EXOC6B: variants seen among roughly 807,000 people sequenced by gnomAD.
EXOC6B encodes the protein exocyst complex component 6B.
In EXOC6B, 54 loss-of-function variants were observed where a neutral mutation model predicts 113.5. That is an observed-to-expected ratio of 0.48 (90% CI 0.38 to 0.60). The LOEUF (loss-of-function observed/expected upper bound fraction) is 0.60, where lower values mean the gene tolerates loss of function less well. Among genes scored for constraint, EXOC6B ranks in the 20% least tolerant of loss-of-function variants. The pLI is 0.00. For missense variants in EXOC6B, 797 were observed against 977.5 expected, an observed-to-expected ratio of 0.82 and a Z score of 2.46; for synonymous variants, 357 against 339.0, an observed-to-expected ratio of 1.05 and a Z score of -0.58.
chr2:72,814,946 G>T (rs1387667609), intron 1 of EXOC6B, among the ~76,000 whole-genome samples: 4 of 152,182 alleles, frequency 2.6e-5, no homozygotes, highest in Admixed American at 1.3e-4. Flanking sequence ...AACCGAGATC[G>T]TGCCACTGCA....
At chr2:72,341,756 T>C (rs1378244471) in intron 19 of EXOC6B, among the ~76,000 whole-genome samples, 1 of 152,030 alleles carries the variant, frequency 6.6e-6, no homozygotes, top group Non-Finnish European at 1.5e-5. Context: ...CTACCAAATA[T>C]ATAAGAACAT....
chr2:72,193,866 G>T (rs1679001389), intron 20 of EXOC6B, among the ~76,000 whole-genome samples: 1 of 152,136 alleles, frequency 6.6e-6, no homozygotes, highest in Admixed American at 6.5e-5. Flanking sequence ...CTTTTTTCTA[G>T]ATCAGAAGAT....
At chr2:72,609,522 T>TAA (rs35677129) in intron 6 of EXOC6B, among the ~76,000 whole-genome samples, 1 of 138,826 alleles carries the variant, frequency 7.2e-6, no homozygotes, top group African/African-American at 2.6e-5. Flanking sequence ...TAAAAATAAT[T>TAA]AAAAAAAAAA....
chr2:72,362,619 T>A (rs1690386209), intron 19 of EXOC6B, among the ~76,000 whole-genome samples: 1 of 152,166 alleles, frequency 6.6e-6, no homozygotes, highest in African/African-American at 2.4e-5. Context: ...ATGAATTGAT[T>A]CATTCACCCT....
At chr2:72,432,607 T>C (rs181286966) in intron 18 of EXOC6B, among the ~76,000 whole-genome samples, 1 of 152,196 alleles carries the variant, frequency 6.6e-6, no homozygotes, top group South Asian at 2.1e-4. Context: ...GACTTCTTAA[T>C]GATCCCCATT....
At chr2:72,271,095 G>A (rs1268376374) in intron 20 of EXOC6B, among the ~76,000 whole-genome samples, 1 of 152,116 alleles carries the variant, frequency 6.6e-6, no homozygotes, top group African/African-American at 2.4e-5. Flanking sequence ...TAGCAGCCAG[G>A]TACTTTGACA....
At chr2:72,522,775 T>C (rs1029547125) in intron 8 of EXOC6B, among the ~76,000 whole-genome samples, 4 of 152,202 alleles carry the variant, frequency 2.6e-5, no homozygotes, top group African/African-American at 9.6e-5. Flanking sequence ...TCTAAATAGA[T>C]AGCTATTTCA....
chr2:72,462,420 C>A (rs908772078), intron 18 of EXOC6B: 1 of 151,752 alleles, frequency 6.6e-6, no homozygotes, highest in African/African-American at 2.4e-5. Flanking sequence ...TTGAGCCTTG[C>A]CAAAATTCAT....
intron 6 of EXOC6B, among the ~76,000 whole-genome samples, chr2:72,608,165 T>C (rs999242726): frequency 6.6e-6 from 1 of 152,042 alleles, no homozygotes; most frequent in East Asian, 1.9e-4. Flanking sequence ...TTTATGCATA[T>C]GAGAATGGAG....
At chr2:72,733,009 A>T (rs1240706568) in intron 3 of EXOC6B, 62 bp downstream of exon 3, 2 of 1,104,234 alleles carry the variant, frequency 1.8e-6, no homozygotes, top group African/African-American at 1.5e-5. Flanking sequence ...TGAATAACAT[A>T]GTCATTAAAA....
intron 20 of EXOC6B, among the ~76,000 whole-genome samples, chr2:72,301,454 T>C (rs574353632): frequency 6.0e-4 from 91 of 152,312 alleles, no homozygotes; most frequent in Admixed American, 1.6e-3. Flanking sequence ...CTGGTAGAAT[T>C]TGGCTGTGAA....
At chr2:72,478,133 A>C (rs916524260) in intron 17 of EXOC6B, among the ~76,000 whole-genome samples, 1 of 152,180 alleles carries the variant, frequency 6.6e-6, no homozygotes, top group African/African-American at 2.4e-5. Context: ...TCCAGGGACA[A>C]AGTACTTTTT....
intron 1 of EXOC6B, among the ~76,000 whole-genome samples, chr2:72,818,486 G>A (rs566865951): frequency 1.3e-4 from 19 of 151,934 alleles, no homozygotes; most frequent in African/African-American, 4.3e-4. Context: ...GTAGAGACAC[G>A]GTTTCACCAT....
intron 6 of EXOC6B, among the ~76,000 whole-genome samples, chr2:72,614,740 G>A (rs1180467513): frequency 6.6e-6 from 1 of 152,110 alleles, no homozygotes; most frequent in Non-Finnish European, 1.5e-5. Context: ...AACTACTGCA[G>A]AACTACAAGG....
At chr2:72,795,725 T>C (rs937546494) in intron 1 of EXOC6B, among the ~76,000 whole-genome samples, 3 of 152,074 alleles carry the variant, frequency 2.0e-5, no homozygotes, top group Non-Finnish European at 4.4e-5. Flanking sequence ...CAAAGGAAAA[T>C]CAAGGTTACA....
chr2:72,481,513 A>G (rs1699091821), intron 16 of EXOC6B, among the ~76,000 whole-genome samples: 1 of 152,224 alleles, frequency 6.6e-6, no homozygotes, highest in African/African-American at 2.4e-5. Context: ...TGGCAACAAG[A>G]CGTTTCAAAA....
chr2:72,717,197 T>TGGA (rs1419419651), intron 6 of EXOC6B, among the ~76,000 whole-genome samples: 1 of 152,208 alleles, frequency 6.6e-6, no homozygotes, highest in Non-Finnish European at 1.5e-5. Context: ...GAATCTCTTT[T>TGGA]GGAGGATCAA....
At chr2:72,756,129 T>C (rs754226048) in intron 1 of EXOC6B, among the ~76,000 whole-genome samples, 1 of 152,124 alleles carries the variant, frequency 6.6e-6, no homozygotes, top group Non-Finnish European at 1.5e-5. Flanking sequence ...TGTTAAAGAT[T>C]TATATTTGGT....
At chr2:72,618,834 C>G (rs1671561837) in intron 6 of EXOC6B, among the ~76,000 whole-genome samples, 1 of 152,124 alleles carries the variant, frequency 6.6e-6, no homozygotes, top group South Asian at 2.1e-4. Flanking sequence ...GAAACTAACC[C>G]TACTCTCAGC....
Sources: allele counts gnomAD v4.1 joint callset (sites outside exome capture counted in the v4.1 genomes callset), GRCh38; gene constraint gnomAD v4.1.1; transcripts MANE v1.5; gene names NCBI Gene and HGNC (gene_info 2026-07-23, HGNC 2026-07-21).